Variants in DNAJC9 observed in about 807,000 individuals in gnomAD.
DNAJC9 encodes DnaJ heat shock protein family (Hsp40) member C9.
DNAJC9 carries 18 observed loss-of-function variants against 32.4 expected under a neutral mutation model. The observed-to-expected ratio is 0.56, with a 90% CI of 0.38 to 0.82. The LOEUF (loss-of-function observed/expected upper bound fraction) is 0.82. DNAJC9 is among the 40% of genes least tolerant of loss of function. The pLI is 0.00. For missense variants in DNAJC9, 310 were observed against 321.8 expected, an observed-to-expected ratio of 0.96 and a Z score of 0.28; for synonymous variants, 113 against 122.1, an observed-to-expected ratio of 0.93 and a Z score of 0.49.
chr10:73,245,660 C>T (rs1379167819), intron 3 of DNAJC9, among the ~76,000 whole-genome samples: 1 of 152,012 alleles, frequency 6.6e-6, no homozygotes, highest in African/African-American at 2.4e-5. Flanking sequence ...CAAGAATTGG[C>T]CTACATGAAA....
At chr10:73,239,625 TA>T (rs2043897862), downstream of DNAJC9, among the ~76,000 whole-genome samples, 1 of 151,830 alleles carries the variant, frequency 6.6e-6, no homozygotes, top group Non-Finnish European at 1.5e-5. Context: ...CCATGTAAAT[TA>T]ACTTCTCACT....
downstream of DNAJC9, among the ~76,000 whole-genome samples, chr10:73,240,026 G>C (rs556808972): frequency 2.0e-3 from 310 of 152,272 alleles, 3 homozygotes; most frequent in African/African-American, 6.9e-3. Flanking sequence ...CGGGGCTCAA[G>C]GGATCCTCCC....
Position 73,246,792 on chromosome 10 carries a change from C to G in DNAJC9, c.217G>C (p.Glu73Gln). The part of the protein sequence containing the change: ...GKVYSVLSDR[E>Q]QRAVYDEQGT... The stretch of plus-strand genomic sequence containing the variant: ...TGCTCATCGTACACTGCTCTCTGTT[C>G]TCTGTCACTGAGAACGGAATAGACT... The change falls in exon 2 of 5, where the codon GAA becomes CAA. Residue 73 changes from glutamate to glutamine, a missense_variant. Physicochemically the swap from Glu to Gln is conservative, Grantham distance 29. Transcript: ENST00000372950. 4 of 1,614,182 alleles carry G rather than the reference C, an allele frequency of 2.5e-6. No individual in the cohort carries two copies. Among genetic ancestry groups the G allele is most frequent in the South Asian group, 1.1e-5 (1 of 91,078 alleles).
downstream of DNAJC9, chr10:73,234,611 T>C (rs1189348457): frequency 1.2e-5 from 7 of 565,556 alleles, no homozygotes; most frequent in Admixed American, 3.2e-5. Flanking sequence ...ACCCAGAGTA[T>C]AGAGCTTCAA....
chr10:73,246,281 G>A (rs985000799), intron 2 of DNAJC9, 105 bp from the exon 3 acceptor site: 4 of 1,256,224 alleles, frequency 3.2e-6, no homozygotes, highest in African/African-American at 3.0e-5. Flanking sequence ...TACAACAGTT[G>A]CTTGAGTTGA....
chr10:73,239,603 A>G (rs7906093), downstream of DNAJC9, among the ~76,000 whole-genome samples: 15,912 of 151,172 alleles, frequency 0.11, 1,202 homozygotes, highest in East Asian at 0.31. Context: ...TCAGATTCCT[A>G]TTTTCTTCAT....
chr10:73,246,270 A>G, intron 2 of DNAJC9, 94 bp from the exon 3 acceptor site: 1 of 1,340,662 alleles, frequency 7.5e-7, no homozygotes, highest in Non-Finnish European at 1.0e-6. Flanking sequence ...AATTGCTGCA[A>G]TACAACAGTT....
At chr10:73,239,793 TA>T (rs1260192891), downstream of DNAJC9, among the ~76,000 whole-genome samples, 1 of 152,214 alleles carries the variant, frequency 6.6e-6, no homozygotes, top group African/African-American at 2.4e-5. Flanking sequence ...TTTGATCAGT[TA>T]ATCTGTTAGG....
chr10:73,236,482 C>G (rs2043825387), downstream of DNAJC9, among the ~76,000 whole-genome samples: 1 of 149,934 alleles, frequency 6.7e-6, no homozygotes. Flanking sequence ...GGCGCAATCT[C>G]AGCTCACTGC....
downstream of DNAJC9, chr10:73,235,184 C>G: frequency 6.4e-7 from 1 of 1,551,386 alleles, no homozygotes; most frequent in Non-Finnish European, 8.7e-7. Context: ...ACTTTTGTCT[C>G]CTCTGCAGAA....
chr10:73,237,265 C>T (rs1377649274), downstream of DNAJC9, among the ~76,000 whole-genome samples: 4 of 152,176 alleles, frequency 2.6e-5, no homozygotes, highest in Non-Finnish European at 5.9e-5. Context: ...TCACCAAAAA[C>T]AAGAAAAGGA....
chr10:73,246,762 T>C lies in DNAJC9; in HGVS notation c.247A>G (p.Thr83Ala), dbSNP rs1334081004. 1.2e-6 allele frequency: 2 copies of C among 1,614,102 alleles called. No homozygotes were observed. ...EQRAVYDEQG[T>A]VDEDSPVLTQ... is the part of the protein sequence containing the mutation. ...AGCACAGGAGAGTCCTCGTCCACTGTTCCCTGCTCATCGTACACTGCTCTC... is the reference window on the plus strand; with the variant it reads ...AGCACAGGAGAGTCCTCGTCCACTGCTCCCTGCTCATCGTACACTGCTCTC... Residue 83 changes from threonine to alanine, a missense_variant, in exon 2 of 5, where the codon ACA becomes GCA. Physicochemically the swap from Thr to Ala is moderately conservative, Grantham distance 58. Transcript: ENST00000372950.
At chr10:73,234,867 G>T, downstream of DNAJC9, 3 of 1,551,736 alleles carry the variant, frequency 1.9e-6, no homozygotes, top group Non-Finnish European at 2.6e-6. Flanking sequence ...CCCCTGAGTC[G>T]AAATAATCTG....
In DNAJC9 at chr10:73,246,016, T is replaced by G. The variant is rs761944497; in HGVS notation, c.482A>C (p.Asn161Thr). The change falls in exon 3 of 5, where the codon AAT becomes ACT. Residue 161 changes from asparagine to threonine, a missense_variant. Physicochemically the swap from Asn to Thr is moderately conservative, Grantham distance 65 (BLOSUM62 0). Transcript: ENST00000372950. ...GGCGTCAATAGCTTGCTGAATGATA[T>G]TCCTTATCCTGGGTTCCTCTGTGTA... ...VQYTEEPRIR[N>T]IIQQAIDAGE... is the part of the protein sequence containing the mutation. 7 of 1,613,706 alleles carry G rather than the reference T, an allele frequency of 4.3e-6. No homozygotes were observed. The highest frequency in any genetic ancestry group is 5.1e-6 in the Non-Finnish European group (6 of 1,179,768).
At chr10:73,237,428 T>C (rs1018984694), downstream of DNAJC9, among the ~76,000 whole-genome samples, 2 of 152,290 alleles carry the variant, frequency 1.3e-5, no homozygotes, top group Admixed American at 6.5e-5. Context: ...AAACTTTTTT[T>C]TTTTTTGAGA....
chr10:73,246,780 C>T lies in DNAJC9; in HGVS notation c.229G>A (p.Val77Met). The change falls in exon 2 of 5, where the codon GTG becomes ATG. Residue 77 changes from valine to methionine, a missense_variant. Transcript: ENST00000372950. ...SVLSDREQRA[V>M]YDEQGTVDED... ...TCCACTGTTCCCTGCTCATCGTACA[C>T]TGCTCTCTGTTCTCTGTCACTGAGA... 4 of 1,614,204 alleles carry T rather than the reference C, an allele frequency of 2.5e-6. No homozygotes were observed. Among genetic ancestry groups the T allele is most frequent in the Non-Finnish European group, 3.4e-6 (4 of 1,180,024 alleles).
chr10:73,234,598 T>C, downstream of DNAJC9: 5 of 523,492 alleles, frequency 9.6e-6, no homozygotes, highest in South Asian at 1.1e-4. Context: ...GCTTCTGTTG[T>C]GTACCCAGAG....
downstream of DNAJC9, chr10:73,239,273 A>C: frequency 7.6e-6 from 11 of 1,449,982 alleles, no homozygotes; most frequent in South Asian, 2.4e-5. Flanking sequence ...CTTTGTGAGA[A>C]GATGCATCAT....
In DNAJC9 at chr10:73,246,942, G is replaced by A. The variant is rs1589207352; in HGVS notation, c.180+68C>T. On this transcript the variant is annotated intron_variant, in intron 1 of 4. Transcript: ENST00000372950. ...GCTCAGCGCGCTCCCCCGGGGCGGG[G>A]CCCGGTAGCCAAAAGGCTAGGGGGA... 13 of 1,568,180 alleles carry A rather than the reference G, an allele frequency of 8.3e-6. No individual in the cohort carries two copies. In the East Asian group the frequency reaches 2.7e-4, roughly 33 times the overall value.
Sources: gnomAD v4.1 joint callset for allele counts (sites outside exome capture counted in the v4.1 genomes callset) on GRCh38, gnomAD v4.1.1 for gene constraint, MANE v1.5 for transcripts, NCBI Gene and HGNC (gene_info 2026-07-23, HGNC 2026-07-21) for gene names.